AFAP1: variants seen among roughly 807,000 people sequenced by gnomAD.
The protein encoded by AFAP1 is actin filament-associated protein 1.
Under a neutral mutation model 93.9 loss-of-function variants are expected in AFAP1, and 75 were observed. That is an observed-to-expected ratio of 0.80 (90% CI 0.66 to 0.97). The LOEUF is 0.97. AFAP1 is among the 50% of genes least tolerant of loss of function. The probability of loss-of-function intolerance (pLI) is 0.00; values close to 1 mark genes in which losing one functional copy is unlikely to be tolerated. For missense variants in AFAP1, 1,201 were observed against 1,050.8 expected (o/e 1.14, Z -1.98); for synonymous variants, 517 against 430.7 (o/e 1.20, Z -2.48).
At chr4:7,892,921 G>C (rs1718554545) in intron 1 of AFAP1, among the ~76,000 whole-genome samples, 1 of 152,086 alleles carries the variant, frequency 6.6e-6, no homozygotes, top group Non-Finnish European at 1.5e-5. Flanking sequence ...GGCAGACGGA[G>C]AAAAAGACCA....
At chr4:7,908,048 C>T (rs1174415293) in intron 1 of AFAP1, among the ~76,000 whole-genome samples, 1 of 151,998 alleles carries the variant, frequency 6.6e-6, no homozygotes, top group Non-Finnish European at 1.5e-5. Flanking sequence ...CCCGTCTTTA[C>T]TAAAAATGCA....
intron 3 of AFAP1, among the ~76,000 whole-genome samples, chr4:7,868,230 C>G (rs6814219): frequency 0.57 from 86,847 of 151,934 alleles, 25,428 homozygotes; most frequent in African/African-American, 0.7. Context: ...TAAAGTTTCA[C>G]AATAAGGTAT....
At chr4:7,813,704 T>G (rs887178895) in intron 8 of AFAP1, among the ~76,000 whole-genome samples, 14 of 152,350 alleles carry the variant, frequency 9.2e-5, no homozygotes, top group Middle Eastern at 3.4e-3. Context: ...TACTTTCCAC[T>G]GAATAACTTC....
Position 7,813,031 on chromosome 4 carries a change from A to AT in AFAP1, c.904+2986dup, listed in dbSNP as rs1178376164. 3.9e-5 allele frequency among the ~76,000 whole-genome samples: 6 copies of AT among 152,246 alleles called. No homozygotes were observed. In the East Asian group the frequency reaches 1.2e-3, roughly 29 times the overall value. ...TGTGTCGGTTTATTAGACAGGAGGG[A>AT]TTCCGCCTTGAGAGAAGAAACAGGA... On this transcript the variant is annotated intron_variant, in intron 8 of 17. Transcript: ENST00000420658.
At chr4:7,803,955 C>T (rs1008835485) in intron 9 of AFAP1, among the ~76,000 whole-genome samples, 1 of 152,230 alleles carries the variant, frequency 6.6e-6, no homozygotes, top group African/African-American at 2.4e-5. Context: ...CCTACCCCAT[C>T]CAGCCCCCTG....
intron 3 of AFAP1, 123 bp from the exon 4 acceptor site, chr4:7,855,697 G>C (rs1714971772): frequency 1.3e-6 from 1 of 794,354 alleles, no homozygotes; most frequent in South Asian, 1.5e-5. Context: ...CGGCAAAAGA[G>C]AACCTCATCC....
chr4:7,917,262 T>C (rs929891128), intron 1 of AFAP1, among the ~76,000 whole-genome samples: 1 of 152,162 alleles, frequency 6.6e-6, no homozygotes, highest in African/African-American at 2.4e-5. Context: ...CAGGTCTCAC[T>C]GTATCGTCAT....
chr4:7,848,991 C>T (rs942329010), intron 4 of AFAP1, among the ~76,000 whole-genome samples: 4 of 152,312 alleles, frequency 2.6e-5, no homozygotes, highest in South Asian at 2.1e-4. Context: ...CCTGAGAAGG[C>T]GGTTAGGGCG....
intron 1 of AFAP1, among the ~76,000 whole-genome samples, chr4:7,902,449 A>G (rs1383835622): frequency 6.6e-6 from 1 of 152,254 alleles, no homozygotes; most frequent in South Asian, 2.1e-4. Flanking sequence ...ACAGGAAGCT[A>G]AAGTGCCTCA....
At chr4:7,778,675 G>A (rs1002826814) in intron 14 of AFAP1, 87 bp downstream of exon 14, 15 of 1,276,774 alleles carry the variant, frequency 1.2e-5, no homozygotes, top group African/African-American at 5.9e-5. Flanking sequence ...CCCCAAGCTG[G>A]CACTCACGGG....
chr4:7,846,215 T>TA (rs1212858380), intron 4 of AFAP1, among the ~76,000 whole-genome samples: 11 of 152,262 alleles, frequency 7.2e-5, no homozygotes, highest in African/African-American at 2.7e-4. Context: ...GACAGTGTTC[T>TA]ACCCTTGACT....
intron 1 of AFAP1, among the ~76,000 whole-genome samples, chr4:7,883,735 C>G (rs574900143): frequency 4.6e-5 from 7 of 152,180 alleles, no homozygotes; most frequent in Non-Finnish European, 1.0e-4. Context: ...AAAAAGTAAA[C>G]TACTTTAAAT....
intron 7 of AFAP1, among the ~76,000 whole-genome samples, chr4:7,817,973 T>A (rs1248674409): frequency 6.6e-6 from 1 of 152,154 alleles, no homozygotes; most frequent in South Asian, 2.1e-4. Context: ...AGAGATTAGT[T>A]TTGTAGTCAA....
chr4:7,838,547 C>G lies in AFAP1; in HGVS notation c.703G>C (p.Glu235Gln), dbSNP rs1194034336. Residue 235 changes from glutamate (E) to glutamine (Q), a missense_variant, in exon 6 of 18, where the codon GAA becomes CAA. Transcript: ENST00000420658. ...ACCTTCAGCCACTGCTCGGCCTGTT[C>G]CTTGCTCTGGACGGCGAGAACAAGC... ...DPLVLAVQSK[E>Q]QAEQWLKVIK... 1 of 1,613,920 alleles carries G rather than the reference C, an allele frequency of 6.2e-7. No individual in the cohort carries two copies. Among genetic ancestry groups the G allele is most frequent in the African/African-American group, 1.3e-5 (1 of 75,010 alleles).
At chr4:7,875,360 G>C (rs942161572) in intron 1 of AFAP1, among the ~76,000 whole-genome samples, 1 of 152,170 alleles carries the variant, frequency 6.6e-6, no homozygotes, top group Non-Finnish European at 1.5e-5. Context: ...CCAGCTGGGC[G>C]ATTTTCCCTT....
intron 1 of AFAP1, among the ~76,000 whole-genome samples, chr4:7,916,670 T>C (rs1452330738): frequency 1.3e-5 from 2 of 152,092 alleles, no homozygotes; most frequent in Non-Finnish European, 1.5e-5. Flanking sequence ...CCAGGCAGTT[T>C]GAAACCATGG....
At chr4:7,885,178 G>A (rs6836485) in intron 1 of AFAP1, among the ~76,000 whole-genome samples, 2,642 of 152,260 alleles carry the variant, frequency 0.017, 73 homozygotes, top group African/African-American at 0.06. Flanking sequence ...TCCGGATCCT[G>A]TATAAAAATC....
chr4:7,935,539 CAA>C (rs1214915197), intron 1 of AFAP1, among the ~76,000 whole-genome samples: 1 of 152,130 alleles, frequency 6.6e-6, no homozygotes, highest in Admixed American at 6.5e-5. Context: ...AGGTAGACAG[CAA>C]AGACTTGAGA....
intron 7 of AFAP1, 74 bp downstream of exon 7, chr4:7,819,002 G>T: frequency 1.5e-6 from 2 of 1,326,592 alleles, no homozygotes; most frequent in South Asian, 1.6e-5. Flanking sequence ...CTCAGAGATT[G>T]TTATCAAACT....
Sources: allele counts gnomAD v4.1 joint callset (sites outside exome capture counted in the v4.1 genomes callset), GRCh38; gene constraint gnomAD v4.1.1; transcripts MANE v1.5; gene names NCBI Gene and HGNC (gene_info 2026-07-23, HGNC 2026-07-21).